Variants in JAZF1 observed in about 807,000 individuals in gnomAD.
JAZF1 encodes JAZF zinc finger 1, also known as juxtaposed with another zinc finger protein 1.
Under a neutral mutation model 26.4 loss-of-function variants are expected in JAZF1, and 8 were observed. That is an observed-to-expected ratio of 0.30 (90% CI 0.18 to 0.55). The LOEUF is 0.55. JAZF1 is among the 20% of genes least tolerant of loss of function. JAZF1 has a pLI of 0.94. For synonymous variants in JAZF1, 126 were observed against 122.3 expected (o/e 1.03, Z -0.20); for missense variants, 199 against 322.0 (o/e 0.62, Z 2.92).
intron 3 of JAZF1, among the ~76,000 whole-genome samples, chr7:27,849,996 G>A (rs958331852): frequency 6.6e-6 from 1 of 152,078 alleles, no homozygotes; most frequent in African/African-American, 2.4e-5. Context: ...ATTCTTCATA[G>A]TCATAAACAT....
At chr7:27,876,466 T>A (rs1423549366) in intron 3 of JAZF1, among the ~76,000 whole-genome samples, 2 of 152,150 alleles carry the variant, frequency 1.3e-5, no homozygotes, top group African/African-American at 4.8e-5. Flanking sequence ...GTTTCCATTT[T>A]CCAGTCCCAT....
rs1262672155 is a variant in JAZF1, at chr7:27,869,879, C to T, written c.385+25341G>A. Among the ~76,000 whole-genome samples the T allele has an allele frequency of 5.3e-5, 8 of 152,114 alleles. 1 individual carries two copies. Among genetic ancestry groups the T allele is most frequent in the Admixed American group, 5.2e-4 (8 of 15,282 alleles). On this transcript the variant is annotated intron_variant, in intron 3 of 4. Transcript: ENST00000283928. ...GTGTCGTATTTTCCTAGCCCCTCCACCATCAAGCCCTGCCTCCCTAACTAC... is the reference window on the plus strand; with the variant it reads ...GTGTCGTATTTTCCTAGCCCCTCCATCATCAAGCCCTGCCTCCCTAACTAC...
In JAZF1 at chr7:28,101,453, T is replaced by C. The variant is rs546305444; in HGVS notation, c.115+79010A>G. 5.7e-4 allele frequency among the ~76,000 whole-genome samples: 87 copies of C among 151,942 alleles called. 1 individual carries two copies. In the South Asian group the frequency reaches 0.018, roughly 31 times the overall value. On this transcript the variant is annotated intron_variant, in intron 1 of 4. Coordinates refer to ENST00000283928, the MANE Select transcript of JAZF1 (RefSeq NM_175061.4). Reference sequence around the variant, plus strand: ...ACAGAAGATTCTGACACATTTACAGTTTTGGCCAGTCATGGTGGCTCATGC... The same window carrying C: ...ACAGAAGATTCTGACACATTTACAGCTTTGGCCAGTCATGGTGGCTCATGC...
At chr7:27,857,951 C>A (rs1783302165) in intron 3 of JAZF1, among the ~76,000 whole-genome samples, 1 of 152,176 alleles carries the variant, frequency 6.6e-6, no homozygotes, top group Non-Finnish European at 1.5e-5. Context: ...GAGAGGAAGT[C>A]AAATTGTCTC....
intron 3 of JAZF1, among the ~76,000 whole-genome samples, chr7:27,845,064 CCGAGA>C (rs1462751392): frequency 1.3e-5 from 2 of 152,086 alleles, no homozygotes; most frequent in African/African-American, 4.8e-5. Context: ...TCGCACCATC[CCGAGA>C]CAAGAAATGT....
At chr7:27,876,131 C>G (rs940090672) in intron 3 of JAZF1, among the ~76,000 whole-genome samples, 3 of 152,210 alleles carry the variant, frequency 2.0e-5, no homozygotes, top group African/African-American at 7.2e-5. Context: ...CCCAGTACAT[C>G]CTGGGTGTCC....
At chr7:27,884,178 G>T (rs1420217481) in intron 3 of JAZF1, among the ~76,000 whole-genome samples, 1 of 152,066 alleles carries the variant, frequency 6.6e-6, no homozygotes, top group Admixed American at 6.6e-5. Flanking sequence ...CTGAGACAGG[G>T]TCTCACTCTG....
chr7:27,942,323 T>A (rs1481353204), intron 2 of JAZF1, among the ~76,000 whole-genome samples: 2 of 152,220 alleles, frequency 1.3e-5, no homozygotes, highest in Non-Finnish European at 2.9e-5. Flanking sequence ...CCTACCCAGA[T>A]CATTTAGTGC....
intron 1 of JAZF1, among the ~76,000 whole-genome samples, chr7:28,141,298 A>C (rs1186906374): frequency 6.6e-6 from 1 of 152,150 alleles, no homozygotes; most frequent in East Asian, 1.9e-4. Flanking sequence ...TAAGGAAAGG[A>C]TTTTTCAAAG....
intron 1 of JAZF1, among the ~76,000 whole-genome samples, chr7:28,090,919 C>T (rs1237228387): frequency 4.6e-5 from 7 of 150,580 alleles, no homozygotes; most frequent in Admixed American, 4.0e-4. Flanking sequence ...CTCCGCTTCC[C>T]GGGTTCACGC....
chr7:28,170,867 G>C (rs528024266), intron 1 of JAZF1, among the ~76,000 whole-genome samples: 2 of 152,204 alleles, frequency 1.3e-5, no homozygotes, highest in African/African-American at 4.8e-5. Flanking sequence ...GCCGGCCCTG[G>C]CTACCCCGGG....
chr7:28,021,100 C>T (rs1374601562), intron 1 of JAZF1, among the ~76,000 whole-genome samples: 5 of 152,100 alleles, frequency 3.3e-5, no homozygotes, highest in African/African-American at 4.8e-5. Flanking sequence ...AGAGGGCCCA[C>T]GGTCCAACAA....
At chr7:28,082,482 G>T (rs185613345) in intron 1 of JAZF1, among the ~76,000 whole-genome samples, 3 of 152,004 alleles carry the variant, frequency 2.0e-5, no homozygotes, top group Non-Finnish European at 4.4e-5. Context: ...CATACCACAC[G>T]GTCTTTCCTC....
At chr7:28,076,139 G>A (rs1784047859) in intron 1 of JAZF1, among the ~76,000 whole-genome samples, 1 of 152,220 alleles carries the variant, frequency 6.6e-6, no homozygotes, top group Non-Finnish European at 1.5e-5. Flanking sequence ...CTTCAAGCCA[G>A]CTGAAGGCTG....
intron 1 of JAZF1, among the ~76,000 whole-genome samples, chr7:28,135,382 G>A (rs1782866478): frequency 6.6e-6 from 1 of 152,178 alleles, no homozygotes; most frequent in South Asian, 2.1e-4. Context: ...TGTTTAATAT[G>A]TAAGGGTTGC....
intron 1 of JAZF1, among the ~76,000 whole-genome samples, chr7:28,060,633 T>G (rs1164886708): frequency 6.6e-6 from 1 of 152,224 alleles, no homozygotes; most frequent in East Asian, 1.9e-4. Flanking sequence ...TCCACATAGC[T>G]CTAAGGTTCA....
intron 1 of JAZF1, among the ~76,000 whole-genome samples, chr7:28,055,038 TC>T (rs1329062499): frequency 8.5e-5 from 13 of 152,102 alleles, no homozygotes; most frequent in Non-Finnish European, 1.9e-4. Context: ...TAAAAATCAG[TC>T]AAGTACACTT....
At chr7:28,038,349 G>A (rs1023317362) in intron 1 of JAZF1, among the ~76,000 whole-genome samples, 2 of 152,104 alleles carry the variant, frequency 1.3e-5, no homozygotes, top group African/African-American at 4.8e-5. Flanking sequence ...ATTTTTCAGG[G>A]TTTTATGATT....
rs148020447 is a variant in JAZF1 at position 28,003,987 on chromosome 7, G to T, written c.116-12006C>A. Among the ~76,000 whole-genome samples the T allele has an allele frequency of 4.2e-3, 642 of 152,164 alleles. 11 individuals are homozygous for T. Among genetic ancestry groups the T allele is most frequent in the African/African-American group, 0.015 (612 of 41,510 alleles). ...AAGTATTGGGTGCTAGGCATTGAAG[G>T]TCCTCCTGCCTGCCCCTACCCACCC... On this transcript the variant is annotated intron_variant, in intron 1 of 4. Transcript: ENST00000283928.
Sources: allele counts gnomAD v4.1 joint callset (sites outside exome capture counted in the v4.1 genomes callset), GRCh38; gene constraint gnomAD v4.1.1; transcripts MANE v1.5; gene names NCBI Gene and HGNC (gene_info 2026-07-23, HGNC 2026-07-21).